Variants in LAMA3 observed in about 807,000 individuals in gnomAD.
The protein encoded by LAMA3 is laminin subunit alpha-3.
Under a neutral mutation model 402.0 loss-of-function variants are expected in LAMA3, and 281 were observed. The ratio of observed to expected loss-of-function variants is 0.70; its 90% confidence interval spans 0.63 to 0.77. LAMA3 has a LOEUF of 0.77. Ranked by LOEUF, LAMA3 falls within the 30% of genes least tolerant of loss-of-function variation. The pLI is 0.00. For synonymous variants in LAMA3, 1,431 were observed against 1,558.4 expected (o/e 0.92, Z 1.93); for missense variants, 3,840 against 4,215.5 (o/e 0.91, Z 2.47).
intron 20 of LAMA3, 118 bp downstream of exon 20, chr18:23,822,493 T>A (rs1220136106): frequency 8.9e-7 from 1 of 1,124,764 alleles, no homozygotes; most frequent in Non-Finnish European, 1.3e-6. Context: ...TGGCTCATGG[T>A]CTGGTTAGAC....
rs532955293 is a variant in LAMA3 at position 23,904,766 on chromosome 18, G to T, written c.6615+72G>T. On this transcript the variant is annotated intron_variant, in intron 51 of 74. Transcript: ENST00000313654. ...CTGATTTTTATATTTTCTTTCCGTG[G>T]GCTCCAAGGAATAGAAACAAAGCAT... is the stretch of plus-strand genomic sequence containing the variant. 43 of 1,486,508 alleles carry T rather than the reference G, an allele frequency of 2.9e-5. No homozygotes were observed. In the Admixed American group the frequency reaches 3.0e-4, roughly 10 times the overall value. 92.1% of individuals were successfully genotyped at this position (1,486,508 alleles called of 1,614,324 possible). A position where few individuals can be genotyped will look rare whatever the true frequency, so the allele number is the denominator to read the frequency against.
intron 2 of LAMA3, among the ~76,000 whole-genome samples, chr18:23,725,402 C>T (rs10445488): frequency 0.47 from 71,025 of 152,032 alleles, 18,938 homozygotes; most frequent in Non-Finnish European, 0.61. Context: ...TGAGCCACCG[C>T]GCCCGGCCTA....
chr18:23,847,987 C>A (rs920180712), intron 32 of LAMA3, among the ~76,000 whole-genome samples: 4 of 152,262 alleles, frequency 2.6e-5, no homozygotes, highest in African/African-American at 9.6e-5. Context: ...AAGAATGATA[C>A]ATGCATAATG....
At chr18:23,734,244 C>A (rs2146022201) in intron 2 of LAMA3, among the ~76,000 whole-genome samples, 1 of 152,344 alleles carries the variant, frequency 6.6e-6, no homozygotes, top group Non-Finnish European at 1.5e-5. Flanking sequence ...TCCTTTCAGG[C>A]TCAGGGTATT....
At chr18:23,922,854 A>G (rs975568670) in intron 62 of LAMA3, among the ~76,000 whole-genome samples, 4 of 152,216 alleles carry the variant, frequency 2.6e-5, no homozygotes, top group Non-Finnish European at 4.4e-5. Flanking sequence ...TGAGTGCCTA[A>G]TGGGCATCAG....
At chr18:23,730,488 C>T (rs2145998688) in intron 2 of LAMA3, among the ~76,000 whole-genome samples, 1 of 151,548 alleles carries the variant, frequency 6.6e-6, no homozygotes, top group East Asian at 1.9e-4. Context: ...CTGATTCAGC[C>T]TCCTGAGTAG....
At chr18:23,953,149 T>C (rs745560584) in intron 74 of LAMA3, 40 bp downstream of exon 74, 3 of 1,611,734 alleles carry the variant, frequency 1.9e-6, no homozygotes, top group East Asian at 4.5e-5. Context: ...TTGCCCTGTG[T>C]CAGCTCTGAA....
At chr18:23,847,064 A>G (rs987422792) in intron 31 of LAMA3, among the ~76,000 whole-genome samples, 1 of 152,138 alleles carries the variant, frequency 6.6e-6, no homozygotes, top group African/African-American at 2.4e-5. Context: ...AGGAACAAGA[A>G]CCCTGCTGCC....
At chr18:23,811,958 C>G (rs1319108796) in intron 13 of LAMA3, among the ~76,000 whole-genome samples, 1 of 152,042 alleles carries the variant, frequency 6.6e-6, no homozygotes, top group East Asian at 1.9e-4. Context: ...ACTGCGAGCT[C>G]TGCCTCACGG....
chr18:23,896,060 G>A (rs2080864513), intron 44 of LAMA3, among the ~76,000 whole-genome samples: 1 of 152,186 alleles, frequency 6.6e-6, no homozygotes, highest in African/African-American at 2.4e-5. Context: ...TGTTGACCAG[G>A]CATGGTGGCT....
At position 23,833,732 on chromosome 18, in the gene LAMA3, G is replaced by T. The variant is rs998084957; in HGVS notation, c.2824-96G>T. The T allele has an allele frequency of 3.7e-6, 5 of 1,336,274 alleles. No individual in the cohort carries two copies. In the South Asian group the frequency reaches 4.7e-5, roughly 13 times the overall value. 82.8% of individuals were successfully genotyped at this position (1,336,274 alleles called of 1,614,324 possible). On this transcript the variant is annotated intron_variant, in intron 23 of 74. Coordinates refer to ENST00000313654, the MANE Select transcript of LAMA3 (RefSeq NM_198129.4). ...GATGACATATAAAAATACTTCCAGG[G>T]TGTCTTCTGGGCTCTATTTTCACCA...
intron 19 of LAMA3, among the ~76,000 whole-genome samples, chr18:23,820,805 G>T (rs755310631): frequency 3.3e-5 from 5 of 152,072 alleles, no homozygotes; most frequent in Admixed American, 1.3e-4. Flanking sequence ...CAAGACTGCT[G>T]CTTGCTGTTG....
intron 23 of LAMA3, 70 bp from the exon 24 acceptor site, chr18:23,833,758 T>A (rs1007553046): frequency 3.2e-6 from 5 of 1,556,032 alleles, no homozygotes; most frequent in Non-Finnish European, 4.4e-6. Flanking sequence ...ATTTTCACCA[T>A]TGCTGATGCA....
intron 19 of LAMA3, among the ~76,000 whole-genome samples, chr18:23,821,817 A>G (rs1367527520): frequency 6.6e-6 from 1 of 152,176 alleles, no homozygotes; most frequent in African/African-American, 2.4e-5. Context: ...GACTTTATGT[A>G]TGTGAAGCGG....
Position 23,819,970 on chromosome 18 carries a change from A to C in LAMA3, c.2277A>C (p.Arg759Ser). The change falls in exon 19 of 75, where the codon AGA becomes AGC. Residue 759 changes from arginine to serine, a missense_variant. Arg to Ser is a moderately radical substitution (Grantham distance 110, BLOSUM62 -1). This residue lies in a region of LAMA3 where 2,109 missense variants were observed against 2,376.0 expected (regional missense o/e 0.89). Coordinates refer to ENST00000313654, the MANE Select transcript of LAMA3 (RefSeq NM_198129.4). ...DPLAFPEFSW[R>S]GYAQMTSVQN... ...TGGCATTTCCTGAGTTTAGCTGGAG[A>C]GGATATGCCCAAATGACCTCAGTAC... 6.2e-7 allele frequency: 1 copy of C among 1,614,088 alleles called. No homozygotes were observed. Among genetic ancestry groups the C allele is most frequent in the Non-Finnish European group, 8.5e-7 (1 of 1,180,020 alleles).
intron 67 of LAMA3, among the ~76,000 whole-genome samples, chr18:23,938,912 C>G (rs1425191421): frequency 2.0e-5 from 3 of 152,124 alleles, no homozygotes; most frequent in African/African-American, 7.2e-5. Flanking sequence ...CTGTCTTACA[C>G]CTTCCTGGTG....
chr18:23,774,735 AC>A (rs1480679804), intron 9 of LAMA3, among the ~76,000 whole-genome samples: 1 of 152,246 alleles, frequency 6.6e-6, no homozygotes, highest in African/African-American at 2.4e-5. Context: ...GATTAATCAT[AC>A]CATTAACATT....
intron 41 of LAMA3, among the ~76,000 whole-genome samples, chr18:23,888,816 G>A (rs1012594799): frequency 4.8e-4 from 73 of 151,854 alleles, no homozygotes; most frequent in Non-Finnish European, 7.4e-5. Flanking sequence ...TTGATGATAA[G>A]ACACCACACA....
intron 1 of LAMA3, among the ~76,000 whole-genome samples, chr18:23,690,764 C>T (rs866945238): frequency 1.4e-5 from 2 of 143,212 alleles, no homozygotes; most frequent in Non-Finnish European, 1.5e-5. Context: ...GCGTGCCCCC[C>T]CGTGCCTGGC....
Sources: allele counts gnomAD v4.1 joint callset (sites outside exome capture counted in the v4.1 genomes callset), GRCh38; gene constraint gnomAD v4.1.1; regional missense constraint gnomAD v4.1.1; transcripts MANE v1.5; gene names NCBI Gene and HGNC (gene_info 2026-07-23, HGNC 2026-07-21).